Variants in FANCD2OS observed in about 807,000 individuals in gnomAD.
FANCD2OS encodes the protein FANCD2 opposite strand protein.
FANCD2OS carries 11 observed loss-of-function variants against 13.2 expected under a neutral mutation model. The ratio of observed to expected loss-of-function variants is 0.83; its 90% CI spans 0.52 to 1.38. The LOEUF is 1.38. FANCD2OS is among the 40% of genes most tolerant of loss of function. The pLI is 0.00. For missense variants in FANCD2OS, 217 were observed against 213.9 expected (o/e 1.01, Z -0.09); for synonymous variants, 69 against 84.5 (o/e 0.82, Z 1.01).
intron 2 of FANCD2OS, among the ~76,000 whole-genome samples, chr3:10,086,433 C>A (rs976013032): frequency 6.6e-6 from 1 of 152,116 alleles, no homozygotes; most frequent in African/African-American, 2.4e-5. Flanking sequence ...GTAACCTAGA[C>A]CATCACTGGG....
chr3:10,090,147 C>T lies in FANCD2OS; in HGVS notation c.*44-8616G>A, dbSNP rs34288918. ...CTTGGGCTTATTACTGAGTCCTTTC[C>T]GCTCCCCCATCCTCTTACTAAGGAC... On this transcript the variant is annotated intron_variant, in intron 2 of 2. Coordinates refer to the FANCD2OS transcript ENST00000524279. The T allele has an allele frequency of 2.7e-3, 1,754 of 660,840 alleles. 36 individuals carry two copies. The East Asian group carries it at 0.045, about 17-fold the overall frequency. 40.9% of individuals were successfully genotyped at this position (660,840 alleles called of 1,614,324 possible).
chr3:10,104,341 A>G lies in FANCD2OS; in HGVS notation c.434T>C (p.Ile145Thr). ...QWPIGLKEPQ[I>T]QMTVTMCKQM... Reference sequence around the variant, plus strand: ...TTTGCACATAGTGACTGTCATCTGAATCTGAGGCTCCTTCAGTCCAATGGG... The same window carrying G: ...TTTGCACATAGTGACTGTCATCTGAGTCTGAGGCTCCTTCAGTCCAATGGG... Residue 145 changes from isoleucine (I) to threonine (T), a missense_variant, in exon 2 of 2, where the codon ATT (isoleucine) becomes ACT (threonine). By Grantham distance (89) the Ile-to-Thr change is moderately conservative (BLOSUM62 -1). Transcript: ENST00000450660. The G allele has an allele frequency of 6.2e-7, 1 of 1,614,202 alleles. No individual in the cohort carries two copies. Among genetic ancestry groups the G allele is most frequent in the Non-Finnish European group, 8.5e-7 (1 of 1,180,036 alleles).
chr3:10,107,920 C>T (rs183397230), intron 1 of FANCD2OS, 95 bp downstream of exon 1: 1 of 152,384 alleles, frequency 6.6e-6, no homozygotes, highest in East Asian at 1.9e-4. Context: ...CTCAATAGCT[C>T]CCAGATATGG....
intron 2 of FANCD2OS, chr3:10,090,162 T>G: frequency 1.4e-6 from 1 of 692,068 alleles, no homozygotes; most frequent in South Asian, 1.5e-5. Flanking sequence ...CCCCATCCTC[T>G]TACTAAGGAC....
downstream of FANCD2OS, chr3:10,101,154 TA>T (rs759927900): frequency 3.4e-5 from 53 of 1,549,900 alleles, 1 homozygote; most frequent in South Asian, 5.9e-4. Flanking sequence ...AGCAGTAACC[TA>T]AAATGCTTAT....
chr3:10,106,513 A>G (rs917977006), intron 1 of FANCD2OS, among the ~76,000 whole-genome samples: 1 of 152,004 alleles, frequency 6.6e-6, no homozygotes, highest in African/African-American at 2.4e-5. Flanking sequence ...TTCTTCTCCC[A>G]CAGAAGATAG....
chr3:10,106,691 A>T (rs1695502319), intron 1 of FANCD2OS, among the ~76,000 whole-genome samples: 1 of 152,198 alleles, frequency 6.6e-6, no homozygotes, highest in African/African-American at 2.4e-5. Context: ...AGGTGGGTGG[A>T]TCACTTGAGG....
chr3:10,090,859 A>G (rs1032377219), intron 2 of FANCD2OS, among the ~76,000 whole-genome samples: 4 of 151,568 alleles, frequency 2.6e-5, no homozygotes, highest in Non-Finnish European at 5.9e-5. Flanking sequence ...TTTTTTTCAA[A>G]GAGTTCCTAG....
intron 2 of FANCD2OS, among the ~76,000 whole-genome samples, chr3:10,087,898 C>T (rs1206552515): frequency 1.3e-5 from 2 of 152,284 alleles, no homozygotes; most frequent in East Asian, 3.9e-4. Context: ...CCACCTGCCT[C>T]AGCCTCCCAA....
downstream of FANCD2OS, chr3:10,099,280 C>T (rs934445923): frequency 4.2e-5 from 53 of 1,267,488 alleles, no homozygotes; most frequent in South Asian, 3.9e-4. Flanking sequence ...GAAGTTCTTA[C>T]GCTTTTTTGT....
chr3:10,095,031 A>T, intron 2 of FANCD2OS: 1 of 654,290 alleles, frequency 1.5e-6, no homozygotes, highest in Non-Finnish European at 2.8e-6. Flanking sequence ...AGTTGAGAAT[A>T]AGAGGTAGCT....
intron 2 of FANCD2OS, among the ~76,000 whole-genome samples, chr3:10,095,841 C>G (rs182722558): frequency 2.0e-4 from 31 of 151,964 alleles, no homozygotes; most frequent in African/African-American, 7.5e-4. Flanking sequence ...TACTTACTTC[C>G]TCCTCTGGTT....
chr3:10,097,897 G>T (rs1392742503), intron 2 of FANCD2OS, among the ~76,000 whole-genome samples: 2 of 152,134 alleles, frequency 1.3e-5, no homozygotes, highest in African/African-American at 4.8e-5. Context: ...CACAATCCAC[G>T]TTCTTCTGTC....
At chr3:10,103,282 A>C (rs575371674), downstream of FANCD2OS, among the ~76,000 whole-genome samples, 30 of 151,936 alleles carry the variant, frequency 2.0e-4, no homozygotes, top group Non-Finnish European at 2.9e-4. Flanking sequence ...CATGCCTGTA[A>C]TCCCAGCTAC....
At chr3:10,090,471 T>C (rs963702682) in intron 2 of FANCD2OS, 34 of 808,420 alleles carry the variant, frequency 4.2e-5, no homozygotes, top group African/African-American at 1.1e-4. Context: ...TTTTTTTTTT[T>C]CTGAGACAGA....
chr3:10,096,420 A>C, intron 2 of FANCD2OS: 1 of 1,614,128 alleles, frequency 6.2e-7, no homozygotes, highest in Non-Finnish European at 8.5e-7. Context: ...CTCACTCTCA[A>C]CAATTGTAGA....
At position 10,104,592 on chromosome 3, in the gene FANCD2OS, G is replaced by T. The variant is rs530447037; in HGVS notation, c.183C>A (p.Ser61Arg). Residue 61 changes from serine to arginine, a missense_variant, in exon 2 of 2, where the codon AGC becomes AGA. By Grantham distance (110) the Ser-to-Arg change is moderately radical. Transcript: ENST00000450660. ...CFQEVTLVLDSPFLESGVSPK... is the reference protein window; with the variant it reads ...CFQEVTLVLDRPFLESGVSPK... ...GACTCACTCCAGATTCCAGGAATGG[G>T]CTGTCTAGGACTAGAGTGACCTCTT... 1.2e-6 allele frequency: 2 copies of T among 1,614,062 alleles called. No individual in the cohort carries two copies. Among genetic ancestry groups the T allele is most frequent in the Non-Finnish European group, 1.7e-6 (2 of 1,180,046 alleles).
intron 1 of FANCD2OS, among the ~76,000 whole-genome samples, chr3:10,107,532 C>T (rs1452254689): frequency 3.9e-5 from 6 of 152,008 alleles, no homozygotes; most frequent in African/African-American, 9.6e-5. Context: ...GTGATCCGCC[C>T]GTCTCGGCCT....
chr3:10,098,977 G>T (rs200172687), downstream of FANCD2OS: 1 of 1,613,950 alleles, frequency 6.2e-7, no homozygotes, highest in Admixed American at 1.7e-5. Flanking sequence ...ATAATTTTTG[G>T]GACCCAGAAG....
Sources: gnomAD v4.1 joint callset for allele counts (sites outside exome capture counted in the v4.1 genomes callset) on GRCh38, gnomAD v4.1.1 for gene constraint, MANE v1.5 for transcripts, NCBI Gene and HGNC (gene_info 2026-07-23, HGNC 2026-07-21) for gene names.